Variants in CNTLN observed in about 807,000 individuals in gnomAD.
CNTLN encodes the protein centlein, centrosomal protein.
In CNTLN, 212 loss-of-function variants were observed where a neutral mutation model predicts 180.0. The ratio of observed to expected loss-of-function variants is 1.18; its 90% CI spans 1.05 to 1.32. The LOEUF (loss-of-function observed/expected upper bound fraction) is 1.32, where lower values mean the gene tolerates loss of function less well. Among genes scored for constraint, CNTLN ranks in the 40% most tolerant of loss-of-function variants. The probability of loss-of-function intolerance (pLI) is 0.00; values close to 1 mark genes in which losing one functional copy is unlikely to be tolerated. For missense variants in CNTLN, 2,095 were observed against 1,610.9 expected, an observed-to-expected ratio of 1.30 and a Z score of -5.14; for synonymous variants, 722 against 563.1, an observed-to-expected ratio of 1.28 and a Z score of -3.99.
At chr9:17,527,101 T>A in the CNTLN span, among the ~76,000 whole-genome samples, 7 of 152,286 alleles carry the variant, frequency 4.6e-5, no homozygotes, top group East Asian at 1.4e-3. Flanking sequence ...CGGGCTGGTC[T>A]TCAACTCCTG....
chr9:17,464,717 A>T, intron 21 of CNTLN, 94 bp downstream of exon 21: 1 of 757,832 alleles, frequency 1.3e-6, no homozygotes, highest in Non-Finnish European at 2.0e-6. Context: ...AATGTATAGA[A>T]AATATTGATA....
chr9:17,323,546 G>A (rs541875995), intron 8 of CNTLN, among the ~76,000 whole-genome samples: 5 of 152,266 alleles, frequency 3.3e-5, no homozygotes, highest in Admixed American at 2.0e-4. Flanking sequence ...GAACCTAATC[G>A]TGTTCTGTAA....
At chr9:17,339,181 C>T (rs914974551) in intron 10 of CNTLN, among the ~76,000 whole-genome samples, 2 of 152,138 alleles carry the variant, frequency 1.3e-5, no homozygotes, top group South Asian at 2.1e-4. Flanking sequence ...TTAATAACTA[C>T]TTAAGAGAAC....
At chr9:17,444,987 CT>C (rs1011725927) in intron 18 of CNTLN, among the ~76,000 whole-genome samples, 10 of 151,888 alleles carry the variant, frequency 6.6e-5, no homozygotes, top group Admixed American at 5.3e-4. Context: ...CTATGAAAGA[CT>C]TTTTTTGGTA....
Position 17,309,243 on chromosome 9 carries a change from C to G in CNTLN, c.1332C>G (p.Tyr444Ter). The change falls in exon 8 of 26, where the codon TAC becomes TAG. Residue 444 changes from tyrosine (Y) to a stop codon, truncating the protein, a stop_gained. Transcript: ENST00000380647. LOFTEE classifies it high-confidence loss of function. ...TACCTCAAGAAAGTGATCCAGACTACTCAGCACAGGTGAGAGACATTTTCT... is the reference window on the plus strand; with the variant it reads ...TACCTCAAGAAAGTGATCCAGACTAGTCAGCACAGGTGAGAGACATTTTCT... Reference protein sequence around the residue: ...LPLPQESDPDYSAQVPHRPSL... With the variant: ...LPLPQESDPD The G allele has an allele frequency of 1.3e-6, 2 of 1,583,034 alleles. No individual in the cohort carries two copies. Among genetic ancestry groups the G allele is most frequent in the South Asian group, 2.3e-5 (2 of 85,522 alleles).
At chr9:17,164,017 T>C (rs1819870531) in intron 2 of CNTLN, among the ~76,000 whole-genome samples, 1 of 147,754 alleles carries the variant, frequency 6.8e-6, no homozygotes, top group African/African-American at 2.5e-5. Flanking sequence ...AGACTCTGCC[T>C]GAAAAAAAAA....
intron 18 of CNTLN, among the ~76,000 whole-genome samples, chr9:17,433,306 A>T (rs1163488626): frequency 6.6e-6 from 1 of 151,110 alleles, no homozygotes; most frequent in Non-Finnish European, 1.5e-5. Flanking sequence ...TTTTTTTGAA[A>T]TGGAGTCTCG....
chr9:17,493,533 T>G (rs993145797), intron 25 of CNTLN, among the ~76,000 whole-genome samples: 3 of 152,188 alleles, frequency 2.0e-5, no homozygotes, highest in Non-Finnish European at 4.4e-5. Flanking sequence ...AGCATTAAAA[T>G]GACTCCTATT....
chr9:17,314,927 A>G (rs944734108), intron 8 of CNTLN, among the ~76,000 whole-genome samples: 2 of 152,216 alleles, frequency 1.3e-5, no homozygotes, highest in Non-Finnish European at 2.9e-5. Context: ...ATCATTTTCT[A>G]TACAATGCAG....
At chr9:17,365,528 A>T (rs1823744457) in intron 12 of CNTLN, among the ~76,000 whole-genome samples, 1 of 152,216 alleles carries the variant, frequency 6.6e-6, no homozygotes, top group Non-Finnish European at 1.5e-5. Flanking sequence ...TCAAATACTC[A>T]CAATGGTAGC....
chr9:17,195,492 A>G (rs1822072642), intron 2 of CNTLN, among the ~76,000 whole-genome samples: 1 of 152,014 alleles, frequency 6.6e-6, no homozygotes, highest in African/African-American at 2.4e-5. Flanking sequence ...ATCTGGTTTT[A>G]TTGTCTTGAG....
chr9:17,363,824 TTTTG>T (rs1315041020), intron 12 of CNTLN, among the ~76,000 whole-genome samples: 1 of 152,144 alleles, frequency 6.6e-6, no homozygotes, highest in Non-Finnish European at 1.5e-5. Context: ...TCACTGCTTA[TTTTG>T]TTTTATACCT....
intron 8 of CNTLN, among the ~76,000 whole-genome samples, chr9:17,311,785 G>T (rs1819155395): frequency 6.6e-6 from 1 of 151,922 alleles, no homozygotes; most frequent in Non-Finnish European, 1.5e-5. Flanking sequence ...CTCCAGCCTG[G>T]CAACAGAGAG....
chr9:17,193,973 G>C (rs979604882), intron 2 of CNTLN, among the ~76,000 whole-genome samples: 30 of 152,224 alleles, frequency 2.0e-4, no homozygotes, highest in Non-Finnish European at 3.5e-4. Flanking sequence ...GCCAAGGCTT[G>C]GGGCTTGCAC....
chr9:17,225,498 A>C (rs1824409310), intron 2 of CNTLN, among the ~76,000 whole-genome samples: 1 of 152,040 alleles, frequency 6.6e-6, no homozygotes, highest in Non-Finnish European at 1.5e-5. Context: ...AAAAATGTAA[A>C]TCAGTGTCCA....
rs753290523 is a variant in CNTLN at position 17,462,912 on chromosome 9, C to T, written c.3307-4C>T. ...ATTTAAATTTATTTCTATTTTTAAT[C>T]TAGAATGCTACTAATGAACTCACTA... On this transcript the variant is annotated splice_region_variant and splice_polypyrimidine_tract_variant and intron_variant, in intron 19 of 25. Transcript: ENST00000380647. 6.8e-7 allele frequency: 1 copy of T among 1,480,458 alleles called. No individual in the cohort carries two copies. The highest frequency in any genetic ancestry group is 9.1e-7 in the Non-Finnish European group (1 of 1,104,882). The allele number at this position is 1,480,458 out of a possible 1,614,324, so 91.7% of individuals were successfully genotyped here. A position where few individuals can be genotyped will look rare whatever the true frequency, so the allele number is the denominator to read the frequency against.
chr9:17,527,283 A>G, the CNTLN span, among the ~76,000 whole-genome samples: 3 of 152,168 alleles, frequency 2.0e-5, no homozygotes, highest in African/African-American at 7.2e-5. Context: ...AAAAGAAAGA[A>G]ATCCCATTGT....
intron 12 of CNTLN, among the ~76,000 whole-genome samples, chr9:17,342,665 C>G (rs948092728): frequency 4.6e-5 from 7 of 152,260 alleles, no homozygotes; most frequent in African/African-American, 1.7e-4. Flanking sequence ...ATAATATGAT[C>G]TAGGGATTGT....
chr9:17,185,771 TTG>T (rs371473319), intron 2 of CNTLN, among the ~76,000 whole-genome samples: 2,768 of 142,924 alleles, frequency 0.019, 55 homozygotes, highest in South Asian at 0.074. Flanking sequence ...TGTTTCCCAT[TTG>T]TGTGTGTGTG....
Sources: allele counts gnomAD v4.1 joint callset (sites outside exome capture counted in the v4.1 genomes callset), GRCh38; gene constraint gnomAD v4.1.1; transcripts MANE v1.5; gene names NCBI Gene and HGNC (gene_info 2026-07-23, HGNC 2026-07-21).